Variants in GOSR1 observed in about 807,000 individuals in gnomAD.
GOSR1 encodes golgi SNAP receptor complex member 1.
A neutral mutation model predicts 35.5 loss-of-function variants in GOSR1; 21 were observed. That is an observed-to-expected ratio of 0.59 (90% CI 0.42 to 0.85). The LOEUF (loss-of-function observed/expected upper bound fraction) is 0.85. Among genes scored for constraint, GOSR1 ranks in the 40% least tolerant of loss-of-function variants. The pLI is 0.00. For synonymous variants in GOSR1, 94 were observed against 106.6 expected (o/e 0.88, Z 0.73); for missense variants, 285 against 309.6 (o/e 0.92, Z 0.60).
At chr17:30,506,563 A>G (rs765155176) in intron 6 of GOSR1, among the ~76,000 whole-genome samples, 61 of 152,378 alleles carry the variant, frequency 4.0e-4, no homozygotes, top group Admixed American at 3.2e-3. Flanking sequence ...GAAAGAAGCC[A>G]TCTCTATAAT....
chr17:30,496,189 C>T (rs1235608355), intron 6 of GOSR1, among the ~76,000 whole-genome samples: 2 of 152,166 alleles, frequency 1.3e-5, no homozygotes, highest in African/African-American at 4.8e-5. Context: ...ACACTTGTCT[C>T]TATCCCCATT....
intron 6 of GOSR1, among the ~76,000 whole-genome samples, chr17:30,502,194 G>A (rs1967235596): frequency 6.6e-6 from 1 of 152,202 alleles, no homozygotes; most frequent in African/African-American, 2.4e-5. Flanking sequence ...CAGGGGTTGA[G>A]GATGGGAAAT....
intron 8 of GOSR1, 73 bp from the exon 9 acceptor site, chr17:30,522,181 A>G (rs1363414787): frequency 7.9e-7 from 1 of 1,261,984 alleles, no homozygotes; most frequent in Non-Finnish European, 1.1e-6. Flanking sequence ...ACTGATCTCT[A>G]TTTTTGTGAT....
chr17:30,497,580 G>A (rs1967045883), intron 6 of GOSR1, among the ~76,000 whole-genome samples: 1 of 152,232 alleles, frequency 6.6e-6, no homozygotes, highest in East Asian at 1.9e-4. Flanking sequence ...TTGATATGGA[G>A]TAGACGAATT....
chr17:30,485,909 C>A (rs1277534601), intron 4 of GOSR1, among the ~76,000 whole-genome samples: 2 of 151,118 alleles, frequency 1.3e-5, no homozygotes, highest in African/African-American at 2.4e-5. Context: ...GTAATCCCAG[C>A]TACTTGTGAG....
intron 4 of GOSR1, among the ~76,000 whole-genome samples, chr17:30,487,863 C>T (rs1016507148): frequency 1.3e-5 from 2 of 152,058 alleles, no homozygotes; most frequent in Non-Finnish European, 2.9e-5. Flanking sequence ...GCAGCCTCCA[C>T]GTCCTGGGTT....
In GOSR1 at chr17:30,484,384, T is replaced by A. The variant is rs550763369; in HGVS notation, c.234+83T>A. On this transcript the variant is annotated intron_variant, in intron 3 of 8. Coordinates refer to ENST00000451249, the MANE Select transcript of GOSR1 (RefSeq NM_001007025.2). ...ATCCTGGATTATATTGAGACAGACA[T>A]GTTTATTGAAATTATCCATTCCATT... 1.6e-3 allele frequency: 1,346 copies of A among 845,712 alleles called. 1 individual carries two copies. The highest frequency in any genetic ancestry group is 2.4e-3 in the Non-Finnish European group (1,176 of 480,600). 52.4% of individuals were successfully genotyped at this position (845,712 alleles called of 1,614,324 possible).
At chr17:30,488,599 T>G (rs770142183) in intron 4 of GOSR1, among the ~76,000 whole-genome samples, 49 of 151,124 alleles carry the variant, frequency 3.2e-4, no homozygotes, top group Non-Finnish European at 6.0e-4. Context: ...TGTGGTATGA[T>G]CTCAACTCAC....
chr17:30,484,829 T>TA (rs760433206), intron 4 of GOSR1, 59 bp downstream of exon 4: 2 of 864,358 alleles, frequency 2.3e-6, no homozygotes, highest in South Asian at 2.7e-5. Context: ...TTTTTTTTTT[T>TA]AATCCCTGCA....
chr17:30,494,480 G>A (rs986336873), intron 6 of GOSR1, among the ~76,000 whole-genome samples: 6 of 152,022 alleles, frequency 3.9e-5, no homozygotes, highest in South Asian at 2.1e-4. Flanking sequence ...TTGCTATTTA[G>A]ATAATTTCTC....
At chr17:30,503,475 G>A (rs1271230283) in intron 6 of GOSR1, among the ~76,000 whole-genome samples, 1 of 152,126 alleles carries the variant, frequency 6.6e-6, no homozygotes, top group East Asian at 1.9e-4. Flanking sequence ...TGCTTAAAAA[G>A]GACAATTCCA....
intron 7 of GOSR1, among the ~76,000 whole-genome samples, chr17:30,517,566 C>T (rs1415985360): frequency 6.6e-6 from 1 of 151,232 alleles, no homozygotes; most frequent in Non-Finnish European, 1.5e-5. Context: ...TTATACCATT[C>T]AAATGTTACT....
At chr17:30,508,517 TCTC>T (rs1967489312) in intron 6 of GOSR1, among the ~76,000 whole-genome samples, 1 of 152,186 alleles carries the variant, frequency 6.6e-6, no homozygotes, top group Admixed American at 6.5e-5. Context: ...GTCTTGTCTA[TCTC>T]CATTGTAAGA....
chr17:30,478,587 A>T (rs374273796), intron 1 of GOSR1: 1 of 125,852 alleles, frequency 7.9e-6, no homozygotes, highest in African/African-American at 3.1e-5. Context: ...GAGACTCGCT[A>T]TGTCGCCCAG....
At chr17:30,518,932 A>T (rs753286690) in intron 7 of GOSR1, among the ~76,000 whole-genome samples, 3 of 151,944 alleles carry the variant, frequency 2.0e-5, no homozygotes, top group Non-Finnish European at 4.4e-5. Flanking sequence ...ACGGAGCAGG[A>T]CCCTGTCCCC....
rs111286953 is a variant in GOSR1, at chr17:30,501,126, C to G, written c.509+8373C>G. On this transcript the variant is annotated intron_variant, in intron 6 of 8. Coordinates refer to ENST00000451249, the MANE Select transcript of GOSR1 (RefSeq NM_001007025.2). ...CGATCTCCTGACCTCGTGATCCGCC[C>G]GCCTCGGCCTCCCAAAGTGCTGGGA... 1.6e-3 allele frequency among the ~76,000 whole-genome samples: 243 copies of G among 152,074 alleles called. 1 individual carries two copies. The highest frequency in any genetic ancestry group is 5.3e-3 in the African/African-American group (220 of 41,510).
intron 6 of GOSR1, among the ~76,000 whole-genome samples, chr17:30,496,495 T>G (rs1967008883): frequency 6.6e-6 from 1 of 152,206 alleles, no homozygotes; most frequent in Non-Finnish European, 1.5e-5. Context: ...CCTTTCTTAC[T>G]TCTCTTTTGT....
At chr17:30,506,330 C>G (rs1967401841) in intron 6 of GOSR1, among the ~76,000 whole-genome samples, 1 of 152,200 alleles carries the variant, frequency 6.6e-6, no homozygotes, top group Non-Finnish European at 1.5e-5. Flanking sequence ...ATTAAAAGTG[C>G]CACTCCAGTG....
At chr17:30,493,629 T>C (rs1173076863) in intron 6 of GOSR1, among the ~76,000 whole-genome samples, 1 of 152,198 alleles carries the variant, frequency 6.6e-6, no homozygotes, top group Non-Finnish European at 1.5e-5. Flanking sequence ...TAACTTTAAA[T>C]AACAAAAGCT....
Sources: gnomAD v4.1 joint callset for allele counts (sites outside exome capture counted in the v4.1 genomes callset) on GRCh38, gnomAD v4.1.1 for gene constraint, MANE v1.5 for transcripts, NCBI Gene and HGNC (gene_info 2026-07-23, HGNC 2026-07-21) for gene names.